C9: variants seen among roughly 807,000 people sequenced by gnomAD.
C9 encodes complement C9, also known as complement component C9.
A neutral mutation model predicts 65.4 loss-of-function variants in C9; 63 were observed. The observed-to-expected ratio is 0.96, with a 90% CI of 0.79 to 1.19. The LOEUF is 1.19. Among genes scored for constraint, C9 ranks in the 50% most tolerant of loss-of-function variants. The probability of loss-of-function intolerance (pLI) is 0.00; values close to 1 mark genes in which losing one functional copy is unlikely to be tolerated. For synonymous variants in C9, 229 were observed against 227.9 expected (o/e 1.00, Z -0.04); for missense variants, 744 against 670.1 (o/e 1.11, Z -1.22).
At chr5:39,309,522 C>T (rs919972508) in intron 7 of C9, among the ~76,000 whole-genome samples, 3 of 152,090 alleles carry the variant, frequency 2.0e-5, no homozygotes, top group African/African-American at 4.8e-5. Flanking sequence ...GGATAAAAAT[C>T]GAAGACAATA....
intron 9 of C9, among the ~76,000 whole-genome samples, chr5:39,290,760 TAGAG>T (rs751266883): frequency 1.6e-4 from 25 of 151,864 alleles, no homozygotes; most frequent in Non-Finnish European, 2.2e-4. Flanking sequence ...CAAGAGTTAG[TAGAG>T]AGACTAGGAG....
intron 4 of C9, among the ~76,000 whole-genome samples, chr5:39,338,392 C>T (rs1483806320): frequency 6.6e-6 from 1 of 152,056 alleles, no homozygotes; most frequent in African/African-American, 2.4e-5. Flanking sequence ...TGTTTCAGCT[C>T]TACTAGAACT....
chr5:39,339,007 T>C (rs1754018749), intron 4 of C9, among the ~76,000 whole-genome samples: 1 of 152,250 alleles, frequency 6.6e-6, no homozygotes, highest in Non-Finnish European at 1.5e-5. Context: ...CTGTTTTATT[T>C]AGATTAAAAA....
intron 6 of C9, among the ~76,000 whole-genome samples, chr5:39,314,403 C>T (rs1272751017): frequency 6.6e-6 from 1 of 151,940 alleles, no homozygotes; most frequent in East Asian, 1.9e-4. Context: ...GGGCCAAGAT[C>T]ACACCATTGT....
Position 39,284,850 on chromosome 5 carries a change from T to A in C9, c.*349A>T. 3.2e-6 allele frequency: 1 copy of A among 312,316 alleles called. No individual in the cohort carries two copies. Among genetic ancestry groups the A allele is most frequent in the Non-Finnish European group, 6.0e-6 (1 of 166,198 alleles). 19.3% of individuals were successfully genotyped at this position (312,316 alleles called of 1,614,324 possible). On this transcript the variant is annotated 3_prime_UTR_variant, in exon 11 of 11. Transcript: ENST00000263408. ...TGGACCTGGCAGAATATGTTAACCA[T>A]ACAAAGCCGTTTGAAAATTACTTTG...
At chr5:39,320,668 G>C (rs1322946330) in intron 5 of C9, among the ~76,000 whole-genome samples, 4 of 151,988 alleles carry the variant, frequency 2.6e-5, no homozygotes, top group African/African-American at 9.7e-5. Flanking sequence ...GAGCACCCAG[G>C]TCCATGAATC....
At chr5:39,293,342 A>G (rs971368534) in intron 9 of C9, among the ~76,000 whole-genome samples, 12 of 151,972 alleles carry the variant, frequency 7.9e-5, no homozygotes, top group African/African-American at 2.9e-4. Context: ...AAAGACATAC[A>G]TAGATGGGAT....
chr5:39,353,126 G>A (rs1754352982), intron 1 of C9, among the ~76,000 whole-genome samples: 1 of 152,208 alleles, frequency 6.6e-6, no homozygotes. Context: ...GAAGATGGAA[G>A]AAGAGGGCAA....
Position 39,334,546 on chromosome 5 carries a change from C to T in C9, c.477-2732G>A, listed in dbSNP as rs860647. ...GGGGGTCAGCCCCCGCCAGGCCAGC[C>T]GCCCCGTCCGGGAGGGAGGTGGGGG... On this transcript the variant is annotated intron_variant, in intron 4 of 10. Transcript: ENST00000263408. Among the ~76,000 whole-genome samples, 49 of 133,480 alleles carry T rather than the reference C, an allele frequency of 3.7e-4. 5 individuals carry two copies. Among genetic ancestry groups the T allele is most frequent in the South Asian group, 3.6e-3 (17 of 4,782 alleles). The allele number at this position is 133,480 out of a possible 152,430, so 87.6% of individuals were successfully genotyped here. A position where few individuals can be genotyped will look rare whatever the true frequency, so the allele number is the denominator to read the frequency against.
At chr5:39,343,976 G>A (rs1044894218) in intron 1 of C9, among the ~76,000 whole-genome samples, 2 of 152,172 alleles carry the variant, frequency 1.3e-5, no homozygotes, top group African/African-American at 4.8e-5. Flanking sequence ...ACTGCTAGAA[G>A]GAAAACTAAC....
At chr5:39,329,341 C>T (rs1020482940) in intron 5 of C9, among the ~76,000 whole-genome samples, 2 of 152,162 alleles carry the variant, frequency 1.3e-5, no homozygotes, top group Admixed American at 1.3e-4. Flanking sequence ...TGAGGGCTTG[C>T]TATATGCCAG....
intron 7 of C9, among the ~76,000 whole-genome samples, chr5:39,310,771 T>C (rs1286005775): frequency 1.4e-4 from 21 of 152,200 alleles, no homozygotes; most frequent in Admixed American, 1.4e-3. Context: ...AACTGTGATA[T>C]AGAAATTGAA....
At chr5:39,359,097 T>A (rs1754468669) in intron 1 of C9, among the ~76,000 whole-genome samples, 1 of 114,752 alleles carries the variant, frequency 8.7e-6, no homozygotes, top group South Asian at 2.8e-4. Context: ...TATGTGTGTG[T>A]GTGTGTATAT....
At position 39,348,193 on chromosome 5, in the gene C9, A is replaced by T. The variant is rs570305999; in HGVS notation, c.78-5997T>A. Among the ~76,000 whole-genome samples the T allele has an allele frequency of 4.7e-3, 721 of 152,174 alleles. 4 individuals carry two copies. The highest frequency in any genetic ancestry group is 0.015 in the African/African-American group (633 of 41,512). ...ATGGGATCTAATTAAACTAAAGAGC[A>T]TCTGCACAGCAAAAGAAACTACCAT... On this transcript the variant is annotated intron_variant, in intron 1 of 10. Transcript: ENST00000263408.
At chr5:39,288,684 T>C (rs199520610) in intron 10 of C9, 39 bp downstream of exon 10, 1 of 1,112,928 alleles carries the variant, frequency 9.0e-7, no homozygotes. Flanking sequence ...CCAAAGTGCA[T>C]ATTTTTGTCT....
At chr5:39,308,192 C>G (rs890121449) in intron 8 of C9, 38 bp downstream of exon 8, 3 of 1,595,178 alleles carry the variant, frequency 1.9e-6, no homozygotes, top group Non-Finnish European at 2.6e-6. Flanking sequence ...CATCTACCCT[C>G]AGGCTTTATA....
chr5:39,286,200 C>A lies in C9; in HGVS notation c.1646-967G>T, dbSNP rs185651302. On this transcript the variant is annotated intron_variant, in intron 10 of 10. Transcript: ENST00000263408. ...TGCAAGACTGATGAAAATGATAGGA[C>A]CTCCTAAGAAACAAACTAACCCTAA... Among the ~76,000 whole-genome samples the A allele has an allele frequency of 3.9e-5, 6 of 152,122 alleles. No individual in the cohort carries two copies. In the East Asian group the frequency reaches 9.7e-4, roughly 24 times the overall value.
In C9 at chr5:39,287,500, C is replaced by T. The variant is rs570441717; in HGVS notation, c.1645+1223G>A. On this transcript the variant is annotated intron_variant, in intron 10 of 10. Transcript: ENST00000263408. ...GATGCCTGCACACATATGTTTACTG[C>T]AGCACATATTTTGATGTGCAATAGC... Among the ~76,000 whole-genome samples the T allele has an allele frequency of 2.0e-4, 30 of 151,992 alleles. No homozygotes were observed. The South Asian group carries it at 6.0e-3, about 31-fold the overall frequency.
At position 39,315,784 on chromosome 5, in the gene C9, A is replaced by T. The variant is rs1212947125; in HGVS notation, c.861T>A (p.Ser287=). The change falls in exon 6 of 11, where the codon TCT becomes TCA. Residue 287 remains serine, a synonymous_variant. Transcript: ENST00000263408. ...NETYQLFLSY[S]SKKEKMFLHV... ...AACTGTTTTGTCTTACCTTCTTTGA[A>T]GAATATGACAAAAATAGTTGGTAAG... 6.3e-7 allele frequency: 1 copy of T among 1,599,762 alleles called. No homozygotes were observed. Among genetic ancestry groups the T allele is most frequent in the Non-Finnish European group, 8.6e-7 (1 of 1,167,622 alleles).
Sources: gnomAD v4.1 joint callset for allele counts (sites outside exome capture counted in the v4.1 genomes callset) on GRCh38, gnomAD v4.1.1 for gene constraint, MANE v1.5 for transcripts, NCBI Gene and HGNC (gene_info 2026-07-23, HGNC 2026-07-21) for gene names.